GRIK4: variants seen among roughly 807,000 people sequenced by gnomAD.
GRIK4 encodes the protein glutamate ionotropic receptor kainate type subunit 4.
GRIK4 carries 40 observed loss-of-function variants against 104.9 expected under a neutral mutation model. The ratio of observed to expected loss-of-function variants is 0.38; its 90% CI spans 0.30 to 0.50. The LOEUF (loss-of-function observed/expected upper bound fraction) is 0.50. GRIK4 is among the 20% of genes least tolerant of loss of function. The probability of loss-of-function intolerance (pLI) is 0.93; values close to 1 mark genes in which losing one functional copy is unlikely to be tolerated. For missense variants in GRIK4, 1,047 were observed against 1,308.1 expected (o/e 0.80, Z 3.08); for synonymous variants, 485 against 524.9 (o/e 0.92, Z 1.04).
intron 1 of GRIK4, among the ~76,000 whole-genome samples, chr11:120,637,908 C>T (rs1949419485): frequency 1.3e-5 from 2 of 152,056 alleles, no homozygotes; most frequent in Admixed American, 1.3e-4. Context: ...GAGAGGGAGT[C>T]TCGCTCTGTC....
rs529563893 is a variant in GRIK4 at position 120,871,208 on chromosome 11, A to C, written c.907-2858A>C. 2.3e-5 allele frequency: 4 copies of C among 171,496 alleles called. No homozygotes were observed. The East Asian group carries it at 6.3e-4, about 27-fold the overall frequency. 10.6% of individuals were successfully genotyped at this position (171,496 alleles called of 1,614,324 possible). On this transcript the variant is annotated intron_variant, in intron 9 of 20. Coordinates refer to ENST00000527524, the MANE Select transcript of GRIK4 (RefSeq NM_014619.5). ...ACAGAAGGATCTAGAAGCCAGTTTC[A>C]GTTGGGGCAGCTAACTTGCTGTCAA...
chr11:120,623,015 T>A (rs1949209219), intron 1 of GRIK4, among the ~76,000 whole-genome samples: 1 of 152,222 alleles, frequency 6.6e-6, no homozygotes, highest in South Asian at 2.1e-4. Flanking sequence ...CCCACTACAT[T>A]TATGGACTTG....
chr11:120,604,821 C>A (rs1298792398), intron 1 of GRIK4, among the ~76,000 whole-genome samples: 2 of 152,214 alleles, frequency 1.3e-5, no homozygotes, highest in African/African-American at 4.8e-5. Flanking sequence ...CAGACCTTGC[C>A]TCAGACTTAC....
intron 1 of GRIK4, among the ~76,000 whole-genome samples, chr11:120,548,826 C>T (rs561140714): frequency 2.0e-5 from 3 of 152,288 alleles, no homozygotes; most frequent in South Asian, 2.1e-4. Flanking sequence ...CCATCACACT[C>T]GCTCAGCAGA....
At position 120,511,826 on chromosome 11, in the gene GRIK4, CCCGCGGCCGGCCCGG is replaced by C; in HGVS notation, c.-218_-204del. 2.8e-6 allele frequency: 1 copy of C among 359,294 alleles called. No homozygotes were observed. The highest frequency in any genetic ancestry group is 3.1e-5 in the Admixed American group (1 of 31,942). The allele number at this position is 359,294 out of a possible 1,614,324, so 22.3% of individuals were successfully genotyped here. A position where few individuals can be genotyped will look rare whatever the true frequency, so the allele number is the denominator to read the frequency against. On this transcript the variant is annotated 5_prime_UTR_variant, in exon 1 of 21. Coordinates refer to ENST00000527524, the MANE Select transcript of GRIK4 (RefSeq NM_014619.5). The stretch of plus-strand genomic sequence containing the variant: ...AAGAGGAAAAACGGCCAACAGCAGC[CCCGCGGCCGGCCCGG>C]CAGCGCCCGGCCCCCGGCTCAGCCC...
chr11:120,537,680 C>T (rs571417103), intron 1 of GRIK4, among the ~76,000 whole-genome samples: 31 of 152,328 alleles, frequency 2.0e-4, no homozygotes, highest in African/African-American at 3.8e-4. Context: ...GCACTGTGGA[C>T]GGGCACGCGC....
intron 6 of GRIK4, among the ~76,000 whole-genome samples, chr11:120,827,272 C>G (rs892585837): frequency 6.6e-6 from 1 of 152,212 alleles, no homozygotes; most frequent in African/African-American, 2.4e-5. Context: ...TTCCTTACCT[C>G]GACATCCTCC....
chr11:120,969,459 C>A lies in GRIK4; in HGVS notation c.2395+2136C>A, dbSNP rs536705542. Among the ~76,000 whole-genome samples the A allele has an allele frequency of 9.2e-5, 14 of 152,020 alleles. No individual in the cohort carries two copies. The South Asian group carries it at 2.9e-3, about 32-fold the overall frequency. On this transcript the variant is annotated intron_variant, in intron 19 of 20. Coordinates refer to ENST00000527524, the MANE Select transcript of GRIK4 (RefSeq NM_014619.5). ...GTGGGCAGGGCTGTGTGCAGGGGCGCCGGGTGGTCCATGTGGAACAGATAA... is the reference window on the plus strand; with the variant it reads ...GTGGGCAGGGCTGTGTGCAGGGGCGACGGGTGGTCCATGTGGAACAGATAA...
intron 3 of GRIK4, among the ~76,000 whole-genome samples, chr11:120,672,907 TA>T (rs1210519830): frequency 1.3e-5 from 2 of 152,230 alleles, no homozygotes; most frequent in Non-Finnish European, 2.9e-5. Flanking sequence ...CCTATTTGAA[TA>T]TGCTTTACTT....
intron 3 of GRIK4, among the ~76,000 whole-genome samples, chr11:120,676,943 A>G (rs1591794959): frequency 6.6e-6 from 1 of 152,210 alleles, no homozygotes; most frequent in Non-Finnish European, 1.5e-5. Context: ...GAGCAGTTCC[A>G]TGTGCAGGGA....
chr11:120,684,797 G>A (rs1950250082), intron 3 of GRIK4, among the ~76,000 whole-genome samples: 2 of 152,108 alleles, frequency 1.3e-5, no homozygotes, highest in South Asian at 4.1e-4. Flanking sequence ...TGCAAGCTCC[G>A]CCTCCCGGCT....
At chr11:120,699,638 G>A (rs751698833) in intron 3 of GRIK4, among the ~76,000 whole-genome samples, 4 of 152,006 alleles carry the variant, frequency 2.6e-5, no homozygotes, top group African/African-American at 4.8e-5. Context: ...CAGGAAAGGT[G>A]ATAGGGAATG....
chr11:120,692,332 C>G (rs748502267), intron 3 of GRIK4, among the ~76,000 whole-genome samples: 2 of 152,204 alleles, frequency 1.3e-5, no homozygotes, highest in African/African-American at 4.8e-5. Flanking sequence ...CACAGTTACT[C>G]GTTTAAAACC....
intron 19 of GRIK4, among the ~76,000 whole-genome samples, chr11:120,968,412 A>C (rs893818721): frequency 6.6e-6 from 1 of 152,182 alleles, no homozygotes; most frequent in Non-Finnish European, 1.5e-5. Context: ...CAACAGATTT[A>C]CCTGTCCACG....
At chr11:120,663,556 C>A (rs900184539) in intron 3 of GRIK4, among the ~76,000 whole-genome samples, 6 of 152,184 alleles carry the variant, frequency 3.9e-5, no homozygotes, top group Non-Finnish European at 5.9e-5. Context: ...AAATGTGTTA[C>A]CCTTGCCCCT....
intron 1 of GRIK4, among the ~76,000 whole-genome samples, chr11:120,535,456 C>A (rs1947964943): frequency 6.6e-6 from 1 of 151,892 alleles, no homozygotes; most frequent in South Asian, 2.1e-4. Flanking sequence ...CAGGCCGGGA[C>A]CCCCACCCAG....
intron 3 of GRIK4, among the ~76,000 whole-genome samples, chr11:120,777,195 AG>A (rs1277457102): frequency 2.6e-5 from 4 of 152,170 alleles, no homozygotes; most frequent in African/African-American, 9.7e-5. Flanking sequence ...ATGGCTTACA[AG>A]GTGCTTCACA....
chr11:120,571,205 C>T (rs1948393505), intron 1 of GRIK4, among the ~76,000 whole-genome samples: 1 of 152,192 alleles, frequency 6.6e-6, no homozygotes, highest in South Asian at 2.1e-4. Flanking sequence ...TTTCTGAGAC[C>T]TTGCATCTTC....
chr11:120,739,826 A>G (rs1951294611), intron 3 of GRIK4, among the ~76,000 whole-genome samples: 1 of 152,176 alleles, frequency 6.6e-6, no homozygotes, highest in African/African-American at 2.4e-5. Context: ...ATCTGGTACA[A>G]TCACACATCT....
Sources: allele counts gnomAD v4.1 joint callset (sites outside exome capture counted in the v4.1 genomes callset), GRCh38; gene constraint gnomAD v4.1.1; transcripts MANE v1.5; gene names NCBI Gene and HGNC (gene_info 2026-07-23, HGNC 2026-07-21).